Variants in MIOS observed in about 807,000 individuals in gnomAD.
The protein encoded by MIOS is meiosis regulator for oocyte development.
Under a neutral mutation model 96.9 loss-of-function variants are expected in MIOS, and 52 were observed. The ratio of observed to expected loss-of-function variants is 0.54; its 90% confidence interval spans 0.43 to 0.68. The LOEUF is 0.68. Ranked by LOEUF, MIOS falls within the 30% of genes least tolerant of loss-of-function variation. MIOS has a pLI of 0.00. For missense variants in MIOS, 1,005 were observed against 1,052.8 expected, an observed-to-expected ratio of 0.95 and a Z score of 0.63; for synonymous variants, 397 against 359.5, an observed-to-expected ratio of 1.10 and a Z score of -1.18.
chr7:7,593,834 G>A (rs1278910335), intron 9 of MIOS, among the ~76,000 whole-genome samples: 2 of 142,576 alleles, frequency 1.4e-5, no homozygotes, highest in East Asian at 2.0e-4. Flanking sequence ...AGCCGAGATC[G>A]TGCCACTGCG....
chr7:7,598,194 G>C (rs2115477505), intron 11 of MIOS, among the ~76,000 whole-genome samples: 1 of 152,330 alleles, frequency 6.6e-6, no homozygotes, highest in Non-Finnish European at 1.5e-5. Flanking sequence ...TAGAGTGTCA[G>C]AATGTCTGTT....
intron 11 of MIOS, among the ~76,000 whole-genome samples, chr7:7,604,106 C>G (rs1026755224): frequency 6.6e-6 from 1 of 151,854 alleles, no homozygotes; most frequent in Admixed American, 6.6e-5. Context: ...GGAGATATAC[C>G]TAATGCTAAA....
intron 9 of MIOS, among the ~76,000 whole-genome samples, chr7:7,591,298 T>C (rs1217159436): frequency 3.5e-5 from 1 of 28,704 alleles, no homozygotes; most frequent in African/African-American, 5.7e-5. Context: ...TTTTGTTGGG[T>C]TTTTTTTTTT....
At chr7:7,580,127 T>C (rs1015725373) in intron 5 of MIOS, among the ~76,000 whole-genome samples, 2 of 152,242 alleles carry the variant, frequency 1.3e-5, no homozygotes, top group African/African-American at 4.8e-5. Flanking sequence ...CACCTTATAA[T>C]ACATCTCAGC....
intron 11 of MIOS, among the ~76,000 whole-genome samples, chr7:7,597,010 A>C (rs200471023): frequency 1.3e-5 from 2 of 152,038 alleles, no homozygotes; most frequent in Non-Finnish European, 2.9e-5. Flanking sequence ...GCCTGAGCAA[A>C]ATAGTGAGAC....
chr7:7,591,723 T>G (rs1286029785), intron 9 of MIOS, among the ~76,000 whole-genome samples: 1 of 152,226 alleles, frequency 6.6e-6, no homozygotes, highest in East Asian at 1.9e-4. Flanking sequence ...TAGTATGACC[T>G]TAATGTACCT....
rs1344891259 is a variant in MIOS at position 7,583,344 on chromosome 7, C to G, written c.1620C>G (p.Ile540Met). 2 of 1,610,576 alleles carry G rather than the reference C, an allele frequency of 1.2e-6. No individual in the cohort carries two copies. The highest frequency in any genetic ancestry group is 1.7e-6 in the Non-Finnish European group (2 of 1,177,932). The part of the protein sequence containing the change: ...FNLDIRRAIQ[I>M]LNEGASSEKG... ...TGGATATTCGCCGAGCAATCCAAATCCTGAATGAAGGGGCATCTTCTGAAA... is the reference window on the plus strand; with the variant it reads ...TGGATATTCGCCGAGCAATCCAAATGCTGAATGAAGGGGCATCTTCTGAAA... The change falls in exon 6 of 13, where the codon ATC (isoleucine) becomes ATG (methionine). Residue 540 changes from isoleucine (I) to methionine (M), a missense_variant. By Grantham distance (10) the Ile-to-Met change is conservative. Coordinates refer to ENST00000340080, the MANE Select transcript of MIOS (RefSeq NM_019005.4).
chr7:7,574,081 C>A lies in MIOS; in HGVS notation c.1295-17C>A. ...ATATTGTCATGCATCACTAGTATTT[C>A]CTATGCATTTAAATACTTATGAAGC... On this transcript the variant is annotated splice_polypyrimidine_tract_variant and intron_variant, in intron 4 of 12. Transcript: ENST00000340080. 6.6e-7 allele frequency: 1 copy of A among 1,515,236 alleles called. No homozygotes were observed. The allele number at this position is 1,515,236 out of a possible 1,614,324, so 93.9% of individuals were successfully genotyped here.
intron 5 of MIOS, among the ~76,000 whole-genome samples, chr7:7,578,357 A>T (rs80174520): frequency 0.1 from 15,257 of 152,162 alleles, 844 homozygotes; most frequent in Middle Eastern, 0.23. Flanking sequence ...GCCTGCTTTA[A>T]TCCATCATGA....
chr7:7,602,365 C>G (rs1784405179), intron 11 of MIOS, among the ~76,000 whole-genome samples: 1 of 152,210 alleles, frequency 6.6e-6, no homozygotes. Flanking sequence ...TGATAAGCAA[C>G]TTCAGCAAAG....
chr7:7,602,116 A>T (rs1784397579), intron 11 of MIOS, among the ~76,000 whole-genome samples: 1 of 152,232 alleles, frequency 6.6e-6, no homozygotes, highest in Non-Finnish European at 1.5e-5. Context: ...AGCCAATATC[A>T]TACTGAATGG....
chr7:7,600,460 A>G (rs963164399), intron 11 of MIOS, among the ~76,000 whole-genome samples: 1 of 152,234 alleles, frequency 6.6e-6, no homozygotes, highest in Non-Finnish European at 1.5e-5. Flanking sequence ...AACAAAGATC[A>G]AAAGAGACAA....
chr7:7,582,734 A>G (rs933016578), intron 5 of MIOS: 34 of 464,254 alleles, frequency 7.3e-5, no homozygotes, highest in Non-Finnish European at 9.1e-5. Flanking sequence ...CTTATGCGCT[A>G]CTGGGAGAAG....
chr7:7,583,281 G>A lies in MIOS; in HGVS notation c.1557G>A (p.Gly519=), dbSNP rs954841558. The A allele has an allele frequency of 6.2e-7, 1 of 1,614,096 alleles. No individual in the cohort carries two copies. Among genetic ancestry groups the A allele is most frequent in the Non-Finnish European group, 8.5e-7 (1 of 1,180,008 alleles). ...TTTTGAACTCCCTTGTACAAGAAGGGGAATGGGAAAGAGCTGCTGCTGTGG... is the reference window on the plus strand; with the variant it reads ...TTTTGAACTCCCTTGTACAAGAAGGAGAATGGGAAAGAGCTGCTGCTGTGG... ...GPFLNSLVQE[G]EWERAAAVAL... The change falls in exon 6 of 13, where the codon GGG becomes GGA. Residue 519 remains glycine, a synonymous_variant. Coordinates refer to ENST00000340080, the MANE Select transcript of MIOS (RefSeq NM_019005.4).
chr7:7,585,744 C>T lies in MIOS; in HGVS notation c.1757C>T (p.Pro586Leu), dbSNP rs762397047. 3 of 1,611,848 alleles carry T rather than the reference C, an allele frequency of 1.9e-6. No individual in the cohort carries two copies. The highest frequency in any genetic ancestry group is 2.5e-6 in the Non-Finnish European group (3 of 1,178,952). Residue 586 changes from proline (P) to leucine (L), a missense_variant, in exon 7 of 13, where the codon CCG becomes CTG. Physicochemically the swap from Pro to Leu is moderately conservative, Grantham distance 98. Transcript: ENST00000340080. ...ACACTGCGATTACAGCTAAATAACC[C>T]GTATTTGTGTGTCATGTTTGCATTT... ...CSTLRLQLNN[P>L]YLCVMFAFLT...
chr7:7,590,506 T>C (rs1266258397), intron 9 of MIOS, among the ~76,000 whole-genome samples: 1 of 152,252 alleles, frequency 6.6e-6, no homozygotes, highest in Non-Finnish European at 1.5e-5. Flanking sequence ...ATCTTGCTTT[T>C]TTAAAATCCA....
At chr7:7,592,955 C>G (rs1046746371) in intron 9 of MIOS, among the ~76,000 whole-genome samples, 2 of 152,206 alleles carry the variant, frequency 1.3e-5, no homozygotes, top group African/African-American at 4.8e-5. Flanking sequence ...AATCAAAACA[C>G]TATTTTCCCA....
At chr7:7,585,534 A>G in intron 6 of MIOS, 102 bp from the exon 7 acceptor site, 1 of 1,028,350 alleles carries the variant, frequency 9.7e-7, no homozygotes, top group Non-Finnish European at 1.3e-6. Flanking sequence ...CATTTTTCTG[A>G]GGGTAAAAGT....
chr7:7,602,607 C>T (rs1784412336), intron 11 of MIOS, among the ~76,000 whole-genome samples: 1 of 152,168 alleles, frequency 6.6e-6, no homozygotes, highest in East Asian at 1.9e-4. Context: ...ATTCCATGCT[C>T]ATGGGTGGGA....
Sources: allele counts gnomAD v4.1 joint callset (sites outside exome capture counted in the v4.1 genomes callset), GRCh38; gene constraint gnomAD v4.1.1; transcripts MANE v1.5; gene names NCBI Gene and HGNC (gene_info 2026-07-23, HGNC 2026-07-21).